Variants in ADAM2 observed in about 807,000 individuals in gnomAD.
ADAM2 encodes the protein disintegrin and metalloproteinase domain-containing protein 2.
A neutral mutation model predicts 99.3 loss-of-function variants in ADAM2; 101 were observed. The observed-to-expected ratio is 1.02, with a 90% confidence interval of 0.87 to 1.20. The LOEUF (loss-of-function observed/expected upper bound fraction) is 1.20, where lower values mean the gene tolerates loss of function less well. Among genes scored for constraint, ADAM2 ranks in the 50% most tolerant of loss-of-function variants. The pLI is 0.00. For missense variants in ADAM2, 948 were observed against 878.7 expected (o/e 1.08, Z -1.00); for synonymous variants, 323 against 287.6 (o/e 1.12, Z -1.25).
Position 39,838,165 on chromosome 8 carries a change from C to G in ADAM2, c.21G>C (p.Leu7=), listed in dbSNP as rs1805919220. 6.2e-7 allele frequency: 1 copy of G among 1,614,000 alleles called. No homozygotes were observed. Among genetic ancestry groups the G allele is most frequent in the South Asian group, 1.1e-5 (1 of 91,082 alleles). Residue 7 remains leucine (L), a synonymous_variant, in exon 1 of 21, where the codon CTG becomes CTC. Transcript: ENST00000265708. ...TCCGCAGCCCGCCGAGCCCGCTGAGCAGAAACAAGACGCGCCACATGGCTT... is the reference window on the plus strand; with the variant it reads ...TCCGCAGCCCGCCGAGCCCGCTGAGGAGAAACAAGACGCGCCACATGGCTT... MWRVLF[L]LSGLGGLRMD...
chr8:39,745,808 GTAT>G (rs1182322243), intron 19 of ADAM2, among the ~76,000 whole-genome samples: 8 of 151,952 alleles, frequency 5.3e-5, no homozygotes, highest in African/African-American at 4.8e-5. Context: ...AGTTATTTAA[GTAT>G]TATTAAGTTA....
At chr8:39,781,523 T>G (rs879411003) in intron 10 of ADAM2, among the ~76,000 whole-genome samples, 1 of 152,190 alleles carries the variant, frequency 6.6e-6, no homozygotes, top group African/African-American at 2.4e-5. Context: ...TTTCTAAAAA[T>G]ATAGTTTTGG....
chr8:39,797,882 C>A (rs1264095547), intron 7 of ADAM2, among the ~76,000 whole-genome samples: 1 of 152,184 alleles, frequency 6.6e-6, no homozygotes, highest in Admixed American at 6.5e-5. Context: ...GATTTTTGCA[C>A]ATTGATTTTG....
At position 39,814,084 on chromosome 8, in the gene ADAM2, G is replaced by A. The variant is rs561918107; in HGVS notation, c.514-4618C>T. Among the ~76,000 whole-genome samples, 960 of 152,092 alleles carry A rather than the reference G, an allele frequency of 6.3e-3. 3 individuals are homozygous for A. The highest frequency in any genetic ancestry group is 0.017 in the Middle Eastern group (5 of 294). The stretch of plus-strand genomic sequence containing the variant: ...AATTTTAAAAATCCACAGGCCAGGC[G>A]TGGTGGCTCACACCTGTAATCCCAG... On this transcript the variant is annotated intron_variant, in intron 6 of 20. Transcript: ENST00000265708.
intron 7 of ADAM2, among the ~76,000 whole-genome samples, chr8:39,798,129 G>A (rs550228596): frequency 6.6e-6 from 1 of 152,272 alleles, no homozygotes; most frequent in East Asian, 1.9e-4. Flanking sequence ...TTTTCAAAGG[G>A]AATGCTTTCA....
chr8:39,835,915 C>T (rs1214365739), intron 2 of ADAM2, among the ~76,000 whole-genome samples: 1 of 152,032 alleles, frequency 6.6e-6, no homozygotes, highest in African/African-American at 2.4e-5. Flanking sequence ...CTCCTTAACT[C>T]CCATTAACTC....
chr8:39,806,514 T>C (rs1586132694), intron 7 of ADAM2, among the ~76,000 whole-genome samples: 1 of 148,142 alleles, frequency 6.8e-6, no homozygotes, highest in African/African-American at 2.4e-5. Context: ...TGTAATATTA[T>C]TATAAACATA....
chr8:39,793,276 T>C (rs562252576), intron 7 of ADAM2, among the ~76,000 whole-genome samples: 99 of 152,266 alleles, frequency 6.5e-4, no homozygotes, highest in African/African-American at 2.2e-3. Context: ...TTAAATGCCA[T>C]CCCTTTAGAA....
At chr8:39,794,586 A>G (rs1803859546) in intron 7 of ADAM2, among the ~76,000 whole-genome samples, 1 of 152,082 alleles carries the variant, frequency 6.6e-6, no homozygotes, top group African/African-American at 2.4e-5. Flanking sequence ...CCCCTGACCT[A>G]ACTGGTTATG....
At chr8:39,745,083 A>G (rs758494872) in intron 19 of ADAM2, among the ~76,000 whole-genome samples, 190 bp from the exon 20 acceptor site, 1 of 152,158 alleles carries the variant, frequency 6.6e-6, no homozygotes, top group Admixed American at 6.6e-5. Flanking sequence ...ACATCTTTGC[A>G]TCAGTGAATA....
chr8:39,766,816 G>T (rs370236755), intron 14 of ADAM2, 32 bp downstream of exon 14: 1 of 1,460,928 alleles, frequency 6.8e-7, no homozygotes. Context: ...AGAAAAAAAC[G>T]CATATATGAG....
At chr8:39,762,062 C>T (rs1325766791) in intron 14 of ADAM2, among the ~76,000 whole-genome samples, 1 of 152,092 alleles carries the variant, frequency 6.6e-6, no homozygotes, top group Non-Finnish European at 1.5e-5. Context: ...CCAGCCTGGG[C>T]GACAGAGCGA....
intron 6 of ADAM2, among the ~76,000 whole-genome samples, chr8:39,810,230 G>C (rs1274363997): frequency 6.6e-6 from 1 of 152,144 alleles, no homozygotes; most frequent in Non-Finnish European, 1.5e-5. Flanking sequence ...AACAAGAAGA[G>C]CTAACTATCC....
At chr8:39,803,064 T>C (rs906523159) in intron 7 of ADAM2, among the ~76,000 whole-genome samples, 1 of 152,134 alleles carries the variant, frequency 6.6e-6, no homozygotes. Context: ...AATTCTACAA[T>C]TAGAACAAGA....
chr8:39,810,940 A>G (rs541039240), intron 6 of ADAM2, among the ~76,000 whole-genome samples: 80 of 152,294 alleles, frequency 5.3e-4, no homozygotes, highest in Non-Finnish European at 8.7e-4. Context: ...AGATCAGAGC[A>G]GAACTGAAGG....
rs990359192 is a variant in ADAM2 at position 39,835,696 on chromosome 8, AT to A, written c.132+1439del. Among the ~76,000 whole-genome samples the A allele has an allele frequency of 3.3e-5, 5 of 151,684 alleles. 1 individual carries two copies. Among genetic ancestry groups the A allele is most frequent in the African/African-American group, 9.7e-5 (4 of 41,272 alleles). On this transcript the variant is annotated intron_variant, in intron 2 of 20. Transcript: ENST00000265708. The stretch of plus-strand genomic sequence containing the variant: ...GACTCCGTCTCAAAAAAAAAAAAAA[AT>A]CTAGTAATTTTAGGTTGAATAATCT...
chr8:39,824,659 G>A (rs766642204), intron 4 of ADAM2, among the ~76,000 whole-genome samples, 160 bp downstream of exon 4: 13 of 152,014 alleles, frequency 8.6e-5, no homozygotes, highest in Non-Finnish European at 1.6e-4. Context: ...GTTTAATAGG[G>A]CTAACTCAGT....
intron 10 of ADAM2, among the ~76,000 whole-genome samples, chr8:39,777,560 G>A (rs1000604111): frequency 7.2e-5 from 11 of 152,070 alleles, no homozygotes; most frequent in African/African-American, 2.4e-4. Flanking sequence ...GGGGGATAAA[G>A]AGGAGATGGT....
chr8:39,795,440 C>A (rs961740513), intron 7 of ADAM2, among the ~76,000 whole-genome samples: 1 of 152,142 alleles, frequency 6.6e-6, no homozygotes. Flanking sequence ...GCTTCATCTG[C>A]ATGATAAAAC....
Sources: allele counts gnomAD v4.1 joint callset (sites outside exome capture counted in the v4.1 genomes callset), GRCh38; gene constraint gnomAD v4.1.1; transcripts MANE v1.5; gene names NCBI Gene and HGNC (gene_info 2026-07-23, HGNC 2026-07-21).